Variants in JMJD1C observed in about 807,000 individuals in gnomAD.
The protein encoded by JMJD1C is jumonji domain-containing protein 1C.
A neutral mutation model predicts 245.3 loss-of-function variants in JMJD1C; 31 were observed. That is an observed-to-expected ratio of 0.13 (90% CI 0.09 to 0.17). JMJD1C has a LOEUF of 0.17. Among genes scored for constraint, JMJD1C ranks in the 10% least tolerant of loss-of-function variants. The pLI is 1.00. For missense variants in JMJD1C, 2,691 were observed against 3,000.2 expected (o/e 0.90, Z 2.41); for synonymous variants, 1,057 against 1,017.4 (o/e 1.04, Z -0.74).
chr10:63,245,478 C>CTTTTTTTTTTTTTT (rs71025134), intron 3 of JMJD1C, among the ~76,000 whole-genome samples: 3 of 90,198 alleles, frequency 3.3e-5, no homozygotes, highest in Admixed American at 1.6e-4. Flanking sequence ...CAGGGGAACT[C>CTTTTTTTTTTTTTT]TTTTTTTTTT....
At chr10:63,259,094 C>T (rs777821084) in intron 3 of JMJD1C, among the ~76,000 whole-genome samples, 7 of 152,134 alleles carry the variant, frequency 4.6e-5, no homozygotes, top group Non-Finnish European at 8.8e-5. Context: ...AAGCAAGTCC[C>T]TTCTCCACCA....
chr10:63,256,141 C>T (rs995289512), intron 3 of JMJD1C, among the ~76,000 whole-genome samples: 1 of 152,148 alleles, frequency 6.6e-6, no homozygotes, highest in African/African-American at 2.4e-5. Context: ...GAAAGAACTA[C>T]TGCAGTGACT....
chr10:63,427,110 T>C (rs1276663990), intron 1 of JMJD1C, among the ~76,000 whole-genome samples: 1 of 152,168 alleles, frequency 6.6e-6, no homozygotes, highest in Non-Finnish European at 1.5e-5. Flanking sequence ...TACACAACTC[T>C]TTTAAGATAT....
rs566712633 is a variant in JMJD1C at position 63,222,696 on chromosome 10, A to C, written c.448-2713T>G. 3.0e-5 allele frequency: 46 copies of C among 1,534,160 alleles called. No individual in the cohort carries two copies. In the Admixed American group the frequency reaches 5.5e-4, roughly 18 times the overall value. ...GTGCATTCATTTGATGGTACCAAAG[A>C]AGCAGCAGCTGCTTTGATTGACTTG... On this transcript the variant is annotated intron_variant, in intron 3 of 25. Transcript: ENST00000399262.
At chr10:63,177,665 G>A (rs1202784145) in intron 23 of JMJD1C, 52 bp downstream of exon 23, 2 of 1,586,270 alleles carry the variant, frequency 1.3e-6, no homozygotes, top group Non-Finnish European at 1.7e-6. Flanking sequence ...CGGCAACAAT[G>A]AATAAGTCCT....
chr10:63,255,588 G>A (rs1169367774), intron 3 of JMJD1C, among the ~76,000 whole-genome samples: 1 of 152,112 alleles, frequency 6.6e-6, no homozygotes, highest in Non-Finnish European at 1.5e-5. Flanking sequence ...GACATTGCCT[G>A]CTATATCATC....
At chr10:63,383,624 A>G (rs1212164386) in intron 1 of JMJD1C, among the ~76,000 whole-genome samples, 2 of 152,006 alleles carry the variant, frequency 1.3e-5, no homozygotes, top group African/African-American at 4.8e-5. Flanking sequence ...TGCTTCAGCC[A>G]GGGAGGTTGA....
chr10:63,464,045 A>G (rs896014928), intron 1 of JMJD1C, among the ~76,000 whole-genome samples: 12 of 152,174 alleles, frequency 7.9e-5, no homozygotes, highest in African/African-American at 2.6e-4. Context: ...TGGACTCTTA[A>G]TAAGTCCTGG....
chr10:63,290,019 C>A, intron 2 of JMJD1C, among the ~76,000 whole-genome samples: 1 of 151,624 alleles, frequency 6.6e-6, no homozygotes, highest in African/African-American at 2.4e-5. Context: ...ACAATACAGC[C>A]TACATCAAAT....
chr10:63,427,488 C>T lies in JMJD1C; in HGVS notation c.168+38007G>A, dbSNP rs1045603123. The T allele has an allele frequency of 1.3e-5, 16 of 1,267,858 alleles. No homozygotes were observed. In the African/African-American group the frequency reaches 2.1e-4, roughly 16 times the overall value. The allele number at this position is 1,267,858 out of a possible 1,614,324, so 78.5% of individuals were successfully genotyped here. ...TGACCAAGACCAACAGGATGTCCCA[C>T]TGGGCCAAGCAACTGTTTCCTGCCA... is the stretch of plus-strand genomic sequence containing the variant. On this transcript the variant is annotated intron_variant, in intron 1 of 25. Transcript: ENST00000399262.
At chr10:63,499,162 A>G (rs1019457796) in intron 1 of JMJD1C, among the ~76,000 whole-genome samples, 2 of 152,212 alleles carry the variant, frequency 1.3e-5, no homozygotes, top group African/African-American at 4.8e-5. Context: ...TATTCTGAAT[A>G]GTGCTGCAAT....
rs866772195 is a variant in JMJD1C at position 63,238,190 on chromosome 10, A to C, written c.448-18207T>G. On this transcript the variant is annotated intron_variant, in intron 3 of 25. Transcript: ENST00000399262. ...TGTGAGACTCCATCTCAAAAAAAAA[A>C]AAAAAGAAAAAAAGGAAGGAAGCTA... Among the ~76,000 whole-genome samples the C allele has an allele frequency of 2.0e-4, 4 of 19,854 alleles. No individual in the cohort carries two copies. The East Asian group carries it at 5.5e-3, about 27-fold the overall frequency. 13.0% of individuals were successfully genotyped at this position (19,854 alleles called of 152,430 possible). A position where few individuals can be genotyped will look rare whatever the true frequency, so the allele number is the denominator to read the frequency against.
At chr10:63,410,461 T>A (rs561795509) in intron 1 of JMJD1C, among the ~76,000 whole-genome samples, 9 of 152,268 alleles carry the variant, frequency 5.9e-5, no homozygotes, top group African/African-American at 2.2e-4. Flanking sequence ...AAGAAAGTGA[T>A]AATATCTATA....
At chr10:63,209,422 TAATTA>T (rs1196616197) in intron 8 of JMJD1C, among the ~76,000 whole-genome samples, 187 bp from the exon 9 acceptor site, 1 of 152,156 alleles carries the variant, frequency 6.6e-6, no homozygotes, top group African/African-American at 2.4e-5. Context: ...AATAATAACA[TAATTA>T]AACAGATTTT....
intron 1 of JMJD1C, among the ~76,000 whole-genome samples, chr10:63,451,644 G>A (rs1332280922): frequency 6.6e-6 from 1 of 152,134 alleles, no homozygotes; most frequent in Non-Finnish European, 1.5e-5. Context: ...ACAGAAAGAA[G>A]TATGTAGGTT....
intron 2 of JMJD1C, among the ~76,000 whole-genome samples, chr10:63,297,014 G>C (rs913583622): frequency 1.3e-5 from 2 of 152,102 alleles, no homozygotes; most frequent in Non-Finnish European, 2.9e-5. Context: ...TCACCACTTT[G>C]AAAGTTTCTC....
intron 1 of JMJD1C, among the ~76,000 whole-genome samples, chr10:63,514,358 A>T (rs1352973803): frequency 1.3e-5 from 2 of 152,222 alleles, no homozygotes; most frequent in Non-Finnish European, 2.9e-5. Flanking sequence ...TCACAATAGC[A>T]AACACATGGA....
chr10:63,333,388 C>A (rs1942368620), intron 2 of JMJD1C, among the ~76,000 whole-genome samples: 2 of 152,034 alleles, frequency 1.3e-5, no homozygotes, highest in South Asian at 4.2e-4. Flanking sequence ...AACCTCCTCT[C>A]TACAAAAAAT....
In JMJD1C at chr10:63,200,691, A is replaced by G. The variant is rs757091124; in HGVS notation, c.5075-14T>C. On this transcript the variant is annotated splice_polypyrimidine_tract_variant and intron_variant, in intron 10 of 25. Coordinates refer to ENST00000399262, the MANE Select transcript of JMJD1C (RefSeq NM_032776.3). ...GAGGAATGCCAGCTGTAAAATCAGT[A>G]GGAAAGTTTTAGCAAGATTATGCTT... is the stretch of plus-strand genomic sequence containing the variant. 6.2e-7 allele frequency: 1 copy of G among 1,612,128 alleles called. No individual in the cohort carries two copies. Among genetic ancestry groups the G allele is most frequent in the Non-Finnish European group, 8.5e-7 (1 of 1,178,440 alleles).
Sources: allele counts gnomAD v4.1 joint callset (sites outside exome capture counted in the v4.1 genomes callset), GRCh38; gene constraint gnomAD v4.1.1; transcripts MANE v1.5; gene names NCBI Gene and HGNC (gene_info 2026-07-23, HGNC 2026-07-21).